Variants in EPHA6 observed in about 807,000 individuals in gnomAD.
EPHA6 encodes the protein EPH receptor A6.
Under a neutral mutation model 112.0 loss-of-function variants are expected in EPHA6, and 50 were observed. The ratio of observed to expected loss-of-function variants is 0.45; its 90% CI spans 0.36 to 0.56. The LOEUF is 0.56. Ranked by LOEUF, EPHA6 falls within the 20% of genes least tolerant of loss-of-function variation. The probability of loss-of-function intolerance (pLI) is 0.00; values close to 1 mark genes in which losing one functional copy is unlikely to be tolerated. For missense variants in EPHA6, 1,280 were observed against 1,417.4 expected (o/e 0.90, Z 1.56); for synonymous variants, 529 against 490.7 (o/e 1.08, Z -1.03).
intron 3 of EPHA6, among the ~76,000 whole-genome samples, chr3:97,153,566 A>G (rs938510719): frequency 1.3e-5 from 2 of 152,182 alleles, no homozygotes; most frequent in African/African-American, 4.8e-5. Context: ...GTATTTGATG[A>G]ATGTTTGTTG....
At chr3:97,160,934 C>T (rs2076400430) in intron 3 of EPHA6, among the ~76,000 whole-genome samples, 1 of 152,004 alleles carries the variant, frequency 6.6e-6, no homozygotes, top group Non-Finnish European at 1.5e-5. Context: ...TTGTTTCAAC[C>T]AAATGTAGGG....
intron 3 of EPHA6, among the ~76,000 whole-genome samples, chr3:97,046,743 G>T (rs536047760): frequency 5.0e-4 from 76 of 152,004 alleles, no homozygotes; most frequent in African/African-American, 1.7e-3. Context: ...ATAATTGAAA[G>T]AAAATTCCAT....
intron 3 of EPHA6, among the ~76,000 whole-genome samples, chr3:97,031,849 G>A (rs1360452888): frequency 3.9e-5 from 6 of 152,094 alleles, no homozygotes; most frequent in Non-Finnish European, 8.8e-5. Flanking sequence ...ACTGTTGGTG[G>A]GACTGTAAAC....
At chr3:97,171,800 G>A (rs2076709359) in intron 3 of EPHA6, among the ~76,000 whole-genome samples, 1 of 151,884 alleles carries the variant, frequency 6.6e-6, no homozygotes, top group Admixed American at 6.6e-5. Context: ...ATTTGTCAAA[G>A]GCAGAAAACA....
At chr3:97,215,080 G>C (rs774820717) in intron 3 of EPHA6, among the ~76,000 whole-genome samples, 1 of 152,158 alleles carries the variant, frequency 6.6e-6, no homozygotes, top group East Asian at 1.9e-4. Context: ...AAAAGCAGTC[G>C]ATTATATTAA....
intron 2 of EPHA6, among the ~76,000 whole-genome samples, chr3:96,958,276 G>A (rs2041836741): frequency 6.7e-6 from 1 of 149,876 alleles, no homozygotes; most frequent in African/African-American, 2.5e-5. Flanking sequence ...GATGACAAAA[G>A]CGAAACTCTG....
intron 2 of EPHA6, among the ~76,000 whole-genome samples, chr3:96,899,464 T>C (rs562907032): frequency 6.6e-6 from 1 of 152,362 alleles, no homozygotes; most frequent in Non-Finnish European, 1.5e-5. Context: ...TTAATTTTTA[T>C]AATGATATAA....
chr3:97,750,176 G>C lies in EPHA6; in HGVS notation c.*1475G>C, dbSNP rs1189671375. ...TAAAATGTGTTGAGAGAAAAAAACA[G>C]AGTAGGTTGTCTAAAGATGCTGATT... On this transcript the variant is annotated 3_prime_UTR_variant, in exon 18 of 18. Transcript: ENST00000389672. 1.3e-5 allele frequency among the ~76,000 whole-genome samples: 2 copies of C among 152,056 alleles called. No individual in the cohort carries two copies. Among genetic ancestry groups the C allele is most frequent in the Non-Finnish European group, 2.9e-5 (2 of 67,990 alleles).
In EPHA6 at chr3:97,019,527, C is replaced by G. The variant is rs2044379433; in HGVS notation, c.1114+31534C>G. Among the ~76,000 whole-genome samples the G allele has an allele frequency of 3.3e-5, 5 of 152,086 alleles. No homozygotes were observed. In the South Asian group the frequency reaches 1.0e-3, roughly 32 times the overall value. ...TTCTCAACACAAAAAGACTGCCTGT[C>G]TCTACCTCATTTCCTTCTCACTGTG... On this transcript the variant is annotated intron_variant, in intron 3 of 17. Coordinates refer to ENST00000389672, the MANE Select transcript of EPHA6 (RefSeq NM_001080448.3).
intron 11 of EPHA6, among the ~76,000 whole-genome samples, chr3:97,583,449 G>C (rs975632462): frequency 6.6e-6 from 1 of 151,904 alleles, no homozygotes; most frequent in African/African-American, 2.4e-5. Flanking sequence ...TGAGGCAGGA[G>C]AATGGTGTGA....
intron 10 of EPHA6, among the ~76,000 whole-genome samples, chr3:97,498,586 G>A (rs911771542): frequency 6.6e-6 from 1 of 152,168 alleles, no homozygotes; most frequent in Non-Finnish European, 1.5e-5. Flanking sequence ...TATTGGCCTG[G>A]TAAGGGTCAC....
intron 3 of EPHA6, among the ~76,000 whole-genome samples, chr3:97,051,409 G>A (rs2045681369): frequency 6.6e-6 from 1 of 152,110 alleles, no homozygotes; most frequent in African/African-American, 2.4e-5. Context: ...GGAAATGGCT[G>A]TTTTGTAGAG....
intron 7 of EPHA6, among the ~76,000 whole-genome samples, chr3:97,464,468 A>G (rs1309638194): frequency 6.6e-6 from 1 of 152,152 alleles, no homozygotes. Context: ...TCCTTCCACT[A>G]TAAATGTTGA....
chr3:97,475,481 T>A, intron 8 of EPHA6, 21 bp downstream of exon 8: 1 of 1,514,284 alleles, frequency 6.6e-7, no homozygotes, highest in South Asian at 1.2e-5. Context: ...CATACCATAC[T>A]ATTTCCGAGA....
At chr3:97,287,175 T>C (rs962603310) in intron 5 of EPHA6, among the ~76,000 whole-genome samples, 27 of 152,186 alleles carry the variant, frequency 1.8e-4, no homozygotes, top group Admixed American at 1.6e-3. Context: ...ATGTAAAATT[T>C]TGTCACCTAC....
intron 11 of EPHA6, among the ~76,000 whole-genome samples, chr3:97,586,017 A>C (rs1352231414): frequency 6.6e-6 from 1 of 152,230 alleles, no homozygotes; most frequent in Non-Finnish European, 1.5e-5. Flanking sequence ...CCTTCCAGCT[A>C]TAGAAAGTTG....
intron 3 of EPHA6, among the ~76,000 whole-genome samples, chr3:97,070,880 T>C (rs2046329059): frequency 6.6e-6 from 1 of 152,118 alleles, no homozygotes; most frequent in Admixed American, 6.6e-5. Context: ...TCTATCAAAT[T>C]TTAGAATTAA....
At chr3:97,204,326 A>T (rs926645548) in intron 3 of EPHA6, among the ~76,000 whole-genome samples, 1 of 152,128 alleles carries the variant, frequency 6.6e-6, no homozygotes, top group African/African-American at 2.4e-5. Context: ...CTTACCATGT[A>T]CTAGGGCCTG....
intron 11 of EPHA6, among the ~76,000 whole-genome samples, chr3:97,544,002 G>T (rs1410317865): frequency 6.6e-6 from 1 of 152,298 alleles, no homozygotes; most frequent in African/African-American, 2.4e-5. Flanking sequence ...CTCAGATGAT[G>T]GGGTTTTCTG....
Sources: gnomAD v4.1 joint callset for allele counts (sites outside exome capture counted in the v4.1 genomes callset) on GRCh38, gnomAD v4.1.1 for gene constraint, MANE v1.5 for transcripts, NCBI Gene and HGNC (gene_info 2026-07-23, HGNC 2026-07-21) for gene names.